The following ARHGAP6 variants were observed in gnomAD, a reference collection of about 807,000 sequenced individuals.
The protein encoded by ARHGAP6 is Rho GTPase activating protein 6.
A neutral mutation model predicts 55.7 loss-of-function variants in ARHGAP6; 16 were observed. That is an observed-to-expected ratio of 0.29 (90% CI 0.19 to 0.44). ARHGAP6 has a LOEUF of 0.44. ARHGAP6 is among the 20% of genes least tolerant of loss of function. The probability of loss-of-function intolerance (pLI) is 1.00; values close to 1 mark genes in which losing one functional copy is unlikely to be tolerated. For synonymous variants in ARHGAP6, 382 were observed against 360.9 expected (o/e 1.06, Z -0.66); for missense variants, 698 against 808.9 (o/e 0.86, Z 1.66).
intron 1 of ARHGAP6, among the ~76,000 whole-genome samples, chrX:11,529,262 C>T (rs2051023297): frequency 8.9e-6 from 1 of 112,048 alleles, no homozygotes; most frequent in South Asian, 3.7e-4. Context: ...CTTTGTGGGA[C>T]TAAAGGCAGT....
chrX:11,177,988 G>T, intron 8 of ARHGAP6, 112 bp downstream of exon 8: 1 of 942,503 alleles, frequency 1.1e-6, no homozygotes, highest in Non-Finnish European at 1.5e-6. Flanking sequence ...CAGCTAGGTT[G>T]GAGAAGGGGA....
At chrX:11,568,956 C>A (rs1467676389) in intron 1 of ARHGAP6, among the ~76,000 whole-genome samples, 6 of 111,618 alleles carry the variant, frequency 5.4e-5, no homozygotes, top group Non-Finnish European at 1.1e-4. Flanking sequence ...TTGGTAAAAT[C>A]TATGTCTAGG....
rs73486555 is a variant in ARHGAP6, at chrX:11,514,589, C to T, written c.588+149652G>A. 6.9e-3 allele frequency among the ~76,000 whole-genome samples: 757 copies of T among 110,436 alleles called. 9 individuals carry two copies. The highest frequency in any genetic ancestry group is 0.024 in the African/African-American group (719 of 30,315). ...GTCCCCTGAGAAGACAAATTGCCTC[C>T]ATTTGAGACCCAATGGCCTCTTATG... On this transcript the variant is annotated intron_variant, in intron 1 of 12. Transcript: ENST00000337414.
At chrX:11,174,518 T>TTTCTTTCC (rs2046141871) in intron 8 of ARHGAP6, among the ~76,000 whole-genome samples, 7 of 69,548 alleles carry the variant, frequency 1.0e-4, no homozygotes, top group Admixed American at 1.6e-4. Context: ...TCTTTCTTTC[T>TTTCTTTCC]TTCCTTCCTT....
intron 1 of ARHGAP6, among the ~76,000 whole-genome samples, chrX:11,606,716 C>A (rs1050414795): frequency 3.6e-5 from 4 of 111,624 alleles, no homozygotes; most frequent in African/African-American, 9.8e-5. Flanking sequence ...CTCAGTTTTA[C>A]TCTTTAAAAT....
chrX:11,229,521 T>C (rs2047098551), intron 2 of ARHGAP6, among the ~76,000 whole-genome samples: 1 of 112,253 alleles, frequency 8.9e-6, no homozygotes, highest in South Asian at 3.6e-4. Context: ...GTTTAGTATT[T>C]GTGGAGTATG....
rs563104856 is a variant in ARHGAP6 at position 11,187,739 on chromosome X, C to G, written c.1077+989G>C. ...AGGTGGCAAAAATTTCAGGTCTCCACGTGACAGAGGAAAAAGGGAGAGAGG... is the reference window on the plus strand; with the variant it reads ...AGGTGGCAAAAATTTCAGGTCTCCAGGTGACAGAGGAAAAAGGGAGAGAGG... On this transcript the variant is annotated intron_variant, in intron 4 of 12. Transcript: ENST00000337414. Among the ~76,000 whole-genome samples, 156 of 111,951 alleles carry G rather than the reference C, an allele frequency of 1.4e-3. No homozygotes were observed. The Middle Eastern group carries it at 0.023, about 17-fold the overall frequency.
chrX:11,259,325 CT>C (rs1449712459), intron 1 of ARHGAP6, among the ~76,000 whole-genome samples: 1 of 112,080 alleles, frequency 8.9e-6, no homozygotes. Flanking sequence ...GGATCTCATT[CT>C]TTTTTATGGC....
chrX:11,401,795 C>G (rs2049552300), intron 1 of ARHGAP6, among the ~76,000 whole-genome samples: 1 of 112,146 alleles, frequency 8.9e-6, no homozygotes, highest in Non-Finnish European at 1.9e-5. Context: ...CAAAACTCAG[C>G]AAATGTTTGT....
At chrX:11,434,859 C>G (rs1315599989) in intron 1 of ARHGAP6, among the ~76,000 whole-genome samples, 1 of 111,742 alleles carries the variant, frequency 8.9e-6, no homozygotes, top group Non-Finnish European at 1.9e-5. Flanking sequence ...GTTCCAGATC[C>G]CCCAGGAATG....
intron 1 of ARHGAP6, among the ~76,000 whole-genome samples, chrX:11,616,387 T>G (rs780138018): frequency 9.0e-6 from 1 of 111,115 alleles, no homozygotes; most frequent in Non-Finnish European, 1.9e-5. Context: ...AGTGCAATGG[T>G]GTGATCTCAG....
At chrX:11,192,601 T>C (rs1189663117) in intron 3 of ARHGAP6, among the ~76,000 whole-genome samples, 1 of 112,744 alleles carries the variant, frequency 8.9e-6, no homozygotes, top group Non-Finnish European at 1.9e-5. Context: ...AATTAAAAGT[T>C]GTATGAGCTA....
chrX:11,341,594 C>G (rs1292274224), intron 1 of ARHGAP6, among the ~76,000 whole-genome samples: 3 of 111,813 alleles, frequency 2.7e-5, no homozygotes, highest in Admixed American at 1.9e-4. Flanking sequence ...TACGCCCACG[C>G]CTGACCTCTG....
chrX:11,388,852 A>T (rs2049366521), intron 1 of ARHGAP6, among the ~76,000 whole-genome samples: 1 of 112,161 alleles, frequency 8.9e-6, no homozygotes. Context: ...TATTTTACAT[A>T]TTTGAAACCA....
At chrX:11,217,116 T>C (rs774375927) in intron 2 of ARHGAP6, among the ~76,000 whole-genome samples, 1 of 112,411 alleles carries the variant, frequency 8.9e-6, no homozygotes, top group Non-Finnish European at 1.9e-5. Flanking sequence ...AGTCTATCAT[T>C]GATGGGCATT....
chrX:11,531,285 T>C (rs769511782), intron 1 of ARHGAP6, among the ~76,000 whole-genome samples: 1 of 112,004 alleles, frequency 8.9e-6, no homozygotes, highest in Non-Finnish European at 1.9e-5. Context: ...ATGCCCTTCG[T>C]ATATATTGAG....
intron 3 of ARHGAP6, among the ~76,000 whole-genome samples, chrX:11,190,816 T>C (rs918535601): frequency 8.9e-6 from 1 of 111,864 alleles, no homozygotes; most frequent in Non-Finnish European, 1.9e-5. Context: ...AGACTTCTTA[T>C]ACCTCTGGGG....
At chrX:11,161,882 A>G (rs1310261192) in intron 9 of ARHGAP6, among the ~76,000 whole-genome samples, 1 of 111,715 alleles carries the variant, frequency 9.0e-6, no homozygotes, top group Non-Finnish European at 1.9e-5. Flanking sequence ...TTCTGGAGTT[A>G]CAGCCTATGA....
intron 1 of ARHGAP6, among the ~76,000 whole-genome samples, chrX:11,430,298 G>T (rs1002527791): frequency 8.9e-6 from 1 of 112,613 alleles, no homozygotes; most frequent in African/African-American, 3.2e-5. Context: ...TTTTAGGAAT[G>T]ACTTCTGCCT....
Sources: gnomAD v4.1 joint callset for allele counts (sites outside exome capture counted in the v4.1 genomes callset) on GRCh38, gnomAD v4.1.1 for gene constraint, MANE v1.5 for transcripts, NCBI Gene and HGNC (gene_info 2026-07-23, HGNC 2026-07-21) for gene names.